Variants in IMMT observed in about 807,000 individuals in gnomAD.
IMMT encodes inner membrane mitochondrial protein.
Under a neutral mutation model 92.7 loss-of-function variants are expected in IMMT, and 40 were observed. That is an observed-to-expected ratio of 0.43 (90% CI 0.34 to 0.56). The LOEUF is 0.56. Among genes scored for constraint, IMMT ranks in the 20% least tolerant of loss-of-function variants. The pLI is 0.03. For synonymous variants in IMMT, 322 were observed against 336.1 expected, an observed-to-expected ratio of 0.96 and a Z score of 0.46; for missense variants, 831 against 912.1, an observed-to-expected ratio of 0.91 and a Z score of 1.14.
chr2:86,178,331 A>AAAAG (rs1677583194), intron 3 of IMMT, among the ~76,000 whole-genome samples: 1 of 141,192 alleles, frequency 7.1e-6, no homozygotes, highest in African/African-American at 2.8e-5. Context: ...AAAAAAAAAA[A>AAAAG]GAAAAAAAAA....
At chr2:86,157,321 C>T (rs1675920894) in intron 10 of IMMT, among the ~76,000 whole-genome samples, 1 of 152,210 alleles carries the variant, frequency 6.6e-6, no homozygotes, top group Non-Finnish European at 1.5e-5. Flanking sequence ...CACTTCTTGA[C>T]ATTCAGTCTC....
At chr2:86,159,938 T>C (rs1573899284) in intron 8 of IMMT, 1 of 174,586 alleles carries the variant, frequency 5.7e-6, no homozygotes, top group Non-Finnish European at 1.0e-5. Flanking sequence ...ATGTAATTGC[T>C]TTTTTTTTTC....
At chr2:86,190,395 T>C (rs1673043418) in intron 1 of IMMT, among the ~76,000 whole-genome samples, 1 of 152,180 alleles carries the variant, frequency 6.6e-6, no homozygotes, top group South Asian at 2.1e-4. Context: ...ATAATAATGT[T>C]TCTTCTTCTT....
rs746334035 is a variant in IMMT at position 86,144,339 on chromosome 2, G to T, written c.2206C>A (p.Gln736Lys). Residue 736 changes from glutamine (Q) to lysine (K), a missense_variant, in exon 15 of 15, where the codon CAG (glutamine) becomes AAG (lysine). Physicochemically the swap from Gln to Lys is moderately conservative, Grantham distance 53. Coordinates refer to ENST00000410111, the MANE Select transcript of IMMT (RefSeq NM_006839.3). ...TATGCTGTCAGGATTTCCACTATCT[G>T]TTTCGTTTCTAGGGTCATTCGGGCT... ...KEARMTLETK[Q>K]IVEILTAYAS... 3 of 1,613,940 alleles carry T rather than the reference G, an allele frequency of 1.9e-6. No homozygotes were observed. In the Admixed American group the frequency reaches 5.0e-5, roughly 27 times the overall value.
chr2:86,170,282 G>A (rs1490551946), intron 6 of IMMT, among the ~76,000 whole-genome samples: 1 of 152,104 alleles, frequency 6.6e-6, no homozygotes, highest in Non-Finnish European at 1.5e-5. Context: ...AGCTGGGTAT[G>A]GTGGTACACG....
intron 1 of IMMT, among the ~76,000 whole-genome samples, chr2:86,190,191 G>C (rs1673032897): frequency 6.6e-6 from 1 of 152,214 alleles, no homozygotes; most frequent in African/African-American, 2.4e-5. Flanking sequence ...CTGGCCGCAT[G>C]ATCTACTAAA....
chr2:86,155,753 C>G (rs1444093287), intron 10 of IMMT, among the ~76,000 whole-genome samples: 1 of 152,080 alleles, frequency 6.6e-6, no homozygotes, highest in Non-Finnish European at 1.5e-5. Context: ...ATAACACAAA[C>G]CAGTACTAAC....
chr2:86,166,392 A>G lies in IMMT; in HGVS notation c.792+116T>C, dbSNP rs13401184. 0.012 allele frequency: 9,823 copies of G among 851,750 alleles called. 688 individuals are homozygous for G. In the African/African-American group the frequency reaches 0.15, roughly 13 times the overall value. The allele number at this position is 851,750 out of a possible 1,614,324, so 52.8% of individuals were successfully genotyped here. A position where few individuals can be genotyped will look rare whatever the true frequency, so the allele number is the denominator to read the frequency against. On this transcript the variant is annotated intron_variant, in intron 7 of 14. Coordinates refer to ENST00000410111, the MANE Select transcript of IMMT (RefSeq NM_006839.3). ...ATCTTCCCCTAGTGAGAGAAAGCCG[A>G]TATCATACGGAAGAAAGCAGTCTGT...
At chr2:86,189,954 C>T (rs1323807347) in intron 1 of IMMT, among the ~76,000 whole-genome samples, 1 of 152,180 alleles carries the variant, frequency 6.6e-6, no homozygotes, top group East Asian at 1.9e-4. Context: ...TCTAGGAGAA[C>T]ACGTGCTCTT....
intron 1 of IMMT, among the ~76,000 whole-genome samples, chr2:86,189,726 C>T (rs115860750): frequency 0.022 from 3,312 of 152,216 alleles, 65 homozygotes; most frequent in Non-Finnish European, 0.034. Flanking sequence ...AAAAGGCACC[C>T]ATAAGTTAAT....
Position 86,151,882 on chromosome 2 carries a change from T to A in IMMT, c.1178-362A>T, listed in dbSNP as rs535420544. On this transcript the variant is annotated intron_variant, in intron 11 of 14. Transcript: ENST00000410111. ...TTTCAGGCATAACTCTGATTAGTTATAACAGGCATCCAATTGAAGATTCTT... is the reference window on the plus strand; with the variant it reads ...TTTCAGGCATAACTCTGATTAGTTAAAACAGGCATCCAATTGAAGATTCTT... Among the ~76,000 whole-genome samples the A allele has an allele frequency of 7.2e-5, 11 of 152,364 alleles. No individual in the cohort carries two copies. The East Asian group carries it at 2.1e-3, about 29-fold the overall frequency.
At chr2:86,159,469 A>C (rs1279203542) in intron 9 of IMMT, 67 bp downstream of exon 9, 3 of 1,260,716 alleles carry the variant, frequency 2.4e-6, no homozygotes, top group African/African-American at 3.0e-5. Flanking sequence ...TGTTTTCCTA[A>C]ATCCTTAAAA....
chr2:86,170,749 A>G lies in IMMT; in HGVS notation c.655T>C (p.Ser219Pro). 1 of 1,568,156 alleles carries G rather than the reference A, an allele frequency of 6.4e-7. No individual in the cohort carries two copies. The highest frequency in any genetic ancestry group is 8.7e-7 in the Non-Finnish European group (1 of 1,153,694). Reference sequence around the variant, plus strand: ...TTAAGAAGCTGTCTGGTTTACATACACTCAATTTTAACTTGTTCTTGTTTT... The same window carrying G: ...TTAAGAAGCTGTCTGGTTTACATACGCTCAATTTTAACTTGTTCTTGTTTT... ...QEKQEQVKIESLAKSLEDALR... is the reference protein window; with the variant it reads ...QEKQEQVKIEPLAKSLEDALR... Residue 219 changes from serine (S) to proline (P), a missense_variant and splice_region_variant, in exon 6 of 15, where the codon TCT (serine) becomes CCT (proline). Ser to Pro is a moderately conservative substitution (Grantham distance 74, BLOSUM62 -1). Transcript: ENST00000410111.
In IMMT at chr2:86,151,278, C is replaced by A; in HGVS notation, c.1401+19G>T. On this transcript the variant is annotated intron_variant, in intron 12 of 14. Transcript: ENST00000410111. Reference sequence around the variant, plus strand: ...TAGAGTCACTTTAAATGTTAGGCAACAATTCTCATTTCTCTTACCTTTCTG... The same window carrying A: ...TAGAGTCACTTTAAATGTTAGGCAAAAATTCTCATTTCTCTTACCTTTCTG... 1 of 1,573,512 alleles carries A rather than the reference C, an allele frequency of 6.4e-7. No individual in the cohort carries two copies. The highest frequency in any genetic ancestry group is 1.1e-5 in the South Asian group (1 of 90,114).
chr2:86,183,037 AT>A (rs1359762765), intron 1 of IMMT, among the ~76,000 whole-genome samples: 1 of 152,122 alleles, frequency 6.6e-6, no homozygotes, highest in Non-Finnish European at 1.5e-5. Context: ...AAATGCATCT[AT>A]TTTTATATGT....
At chr2:86,150,549 T>C (rs1377478539) in intron 12 of IMMT, among the ~76,000 whole-genome samples, 1 of 152,156 alleles carries the variant, frequency 6.6e-6, no homozygotes, top group Admixed American at 6.5e-5. Context: ...GGTTCCCAAA[T>C]CAGCCTGTGG....
At chr2:86,187,915 GAAAAAA>G (rs903605522) in intron 1 of IMMT, among the ~76,000 whole-genome samples, 88 of 127,418 alleles carry the variant, frequency 6.9e-4, no homozygotes, top group Non-Finnish European at 1.1e-3. Flanking sequence ...TCTGTCTCCA[GAAAAAA>G]AAAAAAAAGT....
intron 1 of IMMT, among the ~76,000 whole-genome samples, chr2:86,189,779 T>A (rs1212949882): frequency 6.6e-6 from 1 of 152,218 alleles, no homozygotes; most frequent in Non-Finnish European, 1.5e-5. Context: ...TACAACAAAT[T>A]AACTTTTTCT....
chr2:86,165,661 T>A (rs1381695371), intron 7 of IMMT, among the ~76,000 whole-genome samples: 1 of 152,226 alleles, frequency 6.6e-6, no homozygotes, highest in Non-Finnish European at 1.5e-5. Flanking sequence ...ACATACTGAA[T>A]AACTTAATGT....
Sources: gnomAD v4.1 joint callset for allele counts (sites outside exome capture counted in the v4.1 genomes callset) on GRCh38, gnomAD v4.1.1 for gene constraint, MANE v1.5 for transcripts, NCBI Gene and HGNC (gene_info 2026-07-23, HGNC 2026-07-21) for gene names.